The following EPS8 variants were observed in gnomAD, a reference collection of about 807,000 sequenced individuals.
EPS8 encodes the protein epidermal growth factor receptor kinase substrate 8.
A neutral mutation model predicts 103.8 loss-of-function variants in EPS8; 42 were observed. That is an observed-to-expected ratio of 0.40 (90% CI 0.32 to 0.52). The LOEUF is 0.52. Ranked by LOEUF, EPS8 falls within the 20% of genes least tolerant of loss-of-function variation. The probability of loss-of-function intolerance (pLI) is 0.40; values close to 1 mark genes in which losing one functional copy is unlikely to be tolerated. For missense variants in EPS8, 969 were observed against 1,005.1 expected (o/e 0.96, Z 0.49); for synonymous variants, 344 against 344.6 (o/e 1.00, Z 0.02).
Position 15,769,773 on chromosome 12 carries a change from T to C in EPS8, c.-22+19388A>G, listed in dbSNP as rs932839858. ...ACGAGAATCTGATCACAGAGCAAAA[T>C]AAATTGGACACAGTACAAAAATTTC... On this transcript the variant is annotated intron_variant, in intron 1 of 20. Transcript: ENST00000281172. This position sits in a 1 kb window ranked among gnomAD's most constrained non-coding sequence, Gnocchi z 4.6. Among the ~76,000 whole-genome samples, 2 of 152,124 alleles carry C rather than the reference T, an allele frequency of 1.3e-5. No individual in the cohort carries two copies. The highest frequency in any genetic ancestry group is 2.4e-5 in the African/African-American group (1 of 41,422).
intron 18 of EPS8, among the ~76,000 whole-genome samples, chr12:15,624,972 A>T (rs1591796885): frequency 1.3e-5 from 2 of 152,184 alleles, no homozygotes; most frequent in Non-Finnish European, 2.9e-5. Context: ...GCAGAGAATA[A>T]CCCAGCCTCA....
chr12:15,626,544 T>G (rs10082781), intron 18 of EPS8, among the ~76,000 whole-genome samples: 150,994 of 151,108 alleles, frequency 1, 75,440 homozygotes, highest in Non-Finnish European at 1. Flanking sequence ...CAGGAGAATC[T>G]CTTGAACCCA....
chr12:15,741,717 C>T (rs538258792), intron 1 of EPS8, among the ~76,000 whole-genome samples: 1 of 152,170 alleles, frequency 6.6e-6, no homozygotes, highest in Non-Finnish European at 1.5e-5. Flanking sequence ...AGATCAGTAA[C>T]ATTAAGTCTT....
chr12:15,788,785 C>A (rs1396682696), intron 1 of EPS8, among the ~76,000 whole-genome samples: 1 of 152,172 alleles, frequency 6.6e-6, no homozygotes, highest in African/African-American at 2.4e-5. Flanking sequence ...CCAAGTCTAA[C>A]GTAATAAGCC....
At position 15,716,840 on chromosome 12, in the gene EPS8, A is replaced by G. The variant is rs1267680403; in HGVS notation, c.-21-33868T>C. Among the ~76,000 whole-genome samples, 1 of 152,212 alleles carries G rather than the reference A, an allele frequency of 6.6e-6. No individual in the cohort carries two copies. The highest frequency in any genetic ancestry group is 1.5e-5 in the Non-Finnish European group (1 of 68,036). ...CCATTCATCTTGGAAGTATAAGCAA[A>G]ATTTCACTTTCAGTTCCTGTACTGT... On this transcript the variant is annotated intron_variant, in intron 1 of 20. Coordinates refer to ENST00000281172, the MANE Select transcript of EPS8 (RefSeq NM_004447.6). The surrounding 1 kb of genome is among the most constrained non-coding windows in gnomAD (Gnocchi z 5.0).
At position 15,736,662 on chromosome 12, in the gene EPS8, T is replaced by C. The variant is rs1469898226; in HGVS notation, c.-22+52499A>G. On this transcript the variant is annotated intron_variant, in intron 1 of 20. Coordinates refer to ENST00000281172, the MANE Select transcript of EPS8 (RefSeq NM_004447.6). This position sits in a 1 kb window ranked among gnomAD's most constrained non-coding sequence, Gnocchi z 4.2. ...AGCATTAAATTTGAATTTAGGAAGC[T>C]AGGGTTGCTAGATGTGGCAGAAAGA... Among the ~76,000 whole-genome samples the C allele has an allele frequency of 6.6e-6, 1 of 152,170 alleles. No homozygotes were observed.
intron 1 of EPS8, among the ~76,000 whole-genome samples, chr12:15,712,018 T>C (rs1220483359): frequency 6.6e-6 from 1 of 152,132 alleles, no homozygotes; most frequent in Non-Finnish European, 1.5e-5. Context: ...AGTGACAGAA[T>C]AATAACAAAA....
At chr12:15,685,593 ACAT>A (rs1203467892) in intron 1 of EPS8, among the ~76,000 whole-genome samples, 1 of 152,218 alleles carries the variant, frequency 6.6e-6, no homozygotes. Flanking sequence ...GAATAAGAGA[ACAT>A]TAGAAAAGGG....
At position 15,781,031 on chromosome 12, in the gene EPS8, G is replaced by C. The variant is rs910125548; in HGVS notation, c.-22+8130C>G. Among the ~76,000 whole-genome samples the C allele has an allele frequency of 6.6e-6, 1 of 152,114 alleles. No individual in the cohort carries two copies. Among genetic ancestry groups the C allele is most frequent in the African/African-American group, 2.4e-5 (1 of 41,418 alleles). Reference sequence around the variant, plus strand: ...TGACTCAGTTCCCTGCCCTTGAGAAGCTTTAAATACAATGAGGGAAAGAAA... The same window carrying C: ...TGACTCAGTTCCCTGCCCTTGAGAACCTTTAAATACAATGAGGGAAAGAAA... On this transcript the variant is annotated intron_variant, in intron 1 of 20. Coordinates refer to ENST00000281172, the MANE Select transcript of EPS8 (RefSeq NM_004447.6). The surrounding 1 kb of genome is among the most constrained non-coding windows in gnomAD (Gnocchi z 4.1).
At chr12:15,680,319 A>G (rs191808796) in intron 3 of EPS8, among the ~76,000 whole-genome samples, 1 of 152,310 alleles carries the variant, frequency 6.6e-6, no homozygotes, top group East Asian at 1.9e-4. Flanking sequence ...GTTGGTTCCT[A>G]TAGCACATAA....
chr12:15,648,015 T>C (rs1157239158), intron 14 of EPS8, among the ~76,000 whole-genome samples: 2 of 152,216 alleles, frequency 1.3e-5, no homozygotes, highest in African/African-American at 4.8e-5. Context: ...CATGTGCAGT[T>C]CACAAGAGCA....
chr12:15,739,108 T>C (rs1946794413), intron 1 of EPS8, among the ~76,000 whole-genome samples: 1 of 152,154 alleles, frequency 6.6e-6, no homozygotes, highest in African/African-American at 2.4e-5. Flanking sequence ...ACAAAACACA[T>C]CATATACCTT....
rs1416340436 is a variant in EPS8 at position 15,733,303 on chromosome 12, G to A, written c.-21-50331C>T. Reference sequence around the variant, plus strand: ...GTGAGAGGGGACAGTGTGTGAAGGAGGAACTGTCAAACACTTAATAAAACC... The same window carrying A: ...GTGAGAGGGGACAGTGTGTGAAGGAAGAACTGTCAAACACTTAATAAAACC... On this transcript the variant is annotated intron_variant, in intron 1 of 20. Transcript: ENST00000281172. The surrounding 1 kb of genome is among the most constrained non-coding windows in gnomAD (Gnocchi z 4.8). 1.3e-5 allele frequency among the ~76,000 whole-genome samples: 2 copies of A among 152,094 alleles called. No individual in the cohort carries two copies. Among genetic ancestry groups the A allele is most frequent in the African/African-American group, 4.8e-5 (2 of 41,406 alleles).
chr12:15,706,901 C>G lies in EPS8; in HGVS notation c.-21-23929G>C, dbSNP rs760649672. Among the ~76,000 whole-genome samples, 6 of 152,070 alleles carry G rather than the reference C, an allele frequency of 3.9e-5. No homozygotes were observed. Among genetic ancestry groups the G allele is most frequent in the Non-Finnish European group, 7.4e-5 (5 of 68,006 alleles). ...CCATATTTGATATCTAGTTAGCAAGCCAGACAAGCTTACATTTCAGTCCTT... is the reference window on the plus strand; with the variant it reads ...CCATATTTGATATCTAGTTAGCAAGGCAGACAAGCTTACATTTCAGTCCTT... On this transcript the variant is annotated intron_variant, in intron 1 of 20. Coordinates refer to ENST00000281172, the MANE Select transcript of EPS8 (RefSeq NM_004447.6). The surrounding 1 kb of genome is among the most constrained non-coding windows in gnomAD (Gnocchi z 5.2).
intron 1 of EPS8, among the ~76,000 whole-genome samples, chr12:15,712,035 CTTCT>C (rs1946472389): frequency 6.6e-6 from 1 of 152,018 alleles, no homozygotes; most frequent in Non-Finnish European, 1.5e-5. Context: ...AAAAAAGTTC[CTTCT>C]GAGTAAGATT....
At chr12:15,647,700 A>C (rs981074725) in intron 14 of EPS8, among the ~76,000 whole-genome samples, 2 of 152,234 alleles carry the variant, frequency 1.3e-5, no homozygotes, top group Non-Finnish European at 2.9e-5. Flanking sequence ...CTTGACAGTC[A>C]AGAGTCCAGG....
At chr12:15,718,652 G>T (rs923401384) in intron 1 of EPS8, among the ~76,000 whole-genome samples, 1 of 152,134 alleles carries the variant, frequency 6.6e-6, no homozygotes. Flanking sequence ...CTTGATGAGT[G>T]CATATCAAGA....
intron 17 of EPS8, among the ~76,000 whole-genome samples, chr12:15,636,558 A>C (rs1274238814): frequency 6.6e-6 from 1 of 152,218 alleles, no homozygotes; most frequent in East Asian, 1.9e-4. Context: ...ATCAGAACAG[A>C]ATCTCTGATA....
At chr12:15,741,473 A>G (rs367545379) in intron 1 of EPS8, among the ~76,000 whole-genome samples, 1 of 152,202 alleles carries the variant, frequency 6.6e-6, no homozygotes, top group East Asian at 1.9e-4. Context: ...AGTTTGGGGT[A>G]GAAGGGGAAA....
Sources: allele counts gnomAD v4.1 joint callset (sites outside exome capture counted in the v4.1 genomes callset), GRCh38; gene constraint gnomAD v4.1.1; non-coding constraint Gnocchi (gnomAD v3.1); transcripts MANE v1.5; gene names NCBI Gene and HGNC (gene_info 2026-07-23, HGNC 2026-07-21).